Variants in GALNTL6 observed in about 807,000 individuals in gnomAD.
GALNTL6 encodes the protein polypeptide N-acetylgalactosaminyltransferase-like 6.
GALNTL6 carries 46 observed loss-of-function variants against 73.7 expected under a neutral mutation model. The observed-to-expected ratio is 0.62, with a 90% CI of 0.49 to 0.80. The LOEUF (loss-of-function observed/expected upper bound fraction) is 0.80. GALNTL6 is among the 30% of genes least tolerant of loss of function. The pLI, the probability that GALNTL6 is intolerant of heterozygous loss-of-function variation, is 0.00. For synonymous variants in GALNTL6, 259 were observed against 263.7 expected (o/e 0.98, Z 0.17); for missense variants, 604 against 755.0 (o/e 0.80, Z 2.34).
At chr4:172,591,990 G>A (rs964437295) in intron 5 of GALNTL6, among the ~76,000 whole-genome samples, 3 of 152,150 alleles carry the variant, frequency 2.0e-5, no homozygotes, top group Admixed American at 1.3e-4. Context: ...GATTCTCCAA[G>A]TATGGTCTCC....
At chr4:172,058,113 G>GTTGTATTGTTTTGTT (rs1553988696) in intron 2 of GALNTL6, among the ~76,000 whole-genome samples, 1 of 146,266 alleles carries the variant, frequency 6.8e-6, no homozygotes, top group Non-Finnish European at 1.5e-5. Flanking sequence ...GGCTGAAGTG[G>GTTGTATTGTTTTGTT]TTGTTTTGTT....
chr4:172,021,066 T>C (rs778141433), intron 2 of GALNTL6, among the ~76,000 whole-genome samples: 27 of 152,062 alleles, frequency 1.8e-4, no homozygotes, highest in African/African-American at 4.3e-4. Flanking sequence ...ATAATTTCAA[T>C]TGATGCTAAA....
At chr4:171,862,919 T>C (rs1373156991) in intron 2 of GALNTL6, among the ~76,000 whole-genome samples, 1 of 152,144 alleles carries the variant, frequency 6.6e-6, no homozygotes, top group Non-Finnish European at 1.5e-5. Flanking sequence ...AAGTGAATAC[T>C]TCAAAGTGAT....
intron 2 of GALNTL6, among the ~76,000 whole-genome samples, chr4:171,894,595 C>T (rs747307393): frequency 2.0e-5 from 3 of 152,342 alleles, no homozygotes; most frequent in South Asian, 2.1e-4. Context: ...GTCCAGGCCT[C>T]AAGCAATCCT....
intron 4 of GALNTL6, among the ~76,000 whole-genome samples, chr4:172,321,833 T>C (rs2111164954): frequency 6.6e-6 from 1 of 152,220 alleles, no homozygotes; most frequent in South Asian, 2.1e-4. Context: ...GGTCAGGCAG[T>C]TATTAAATCT....
intron 2 of GALNTL6, among the ~76,000 whole-genome samples, chr4:172,093,192 A>G (rs950944699): frequency 6.6e-6 from 1 of 151,934 alleles, no homozygotes; most frequent in Non-Finnish European, 1.5e-5. Flanking sequence ...TTTTAATAAA[A>G]CCTTGTAAAC....
intron 5 of GALNTL6, among the ~76,000 whole-genome samples, chr4:172,450,050 T>G (rs2111419502): frequency 6.6e-6 from 1 of 151,980 alleles, no homozygotes; most frequent in African/African-American, 2.4e-5. Flanking sequence ...AAACCCTGTC[T>G]CTACTGAAAA....
At chr4:172,245,138 C>T (rs2111001495) in intron 3 of GALNTL6, among the ~76,000 whole-genome samples, 1 of 152,204 alleles carries the variant, frequency 6.6e-6, no homozygotes, top group South Asian at 2.1e-4. Flanking sequence ...TTTATGTCTA[C>T]CATTCATTTT....
intron 10 of GALNTL6, among the ~76,000 whole-genome samples, chr4:172,967,881 T>C (rs1036123797): frequency 1.3e-5 from 2 of 152,168 alleles, no homozygotes; most frequent in Non-Finnish European, 2.9e-5. Flanking sequence ...ACTACTGTAG[T>C]TTTGTTTTGA....
At chr4:173,039,513 C>T (rs978286296) in intron 12 of GALNTL6, among the ~76,000 whole-genome samples, 3 of 151,972 alleles carry the variant, frequency 2.0e-5, no homozygotes, top group South Asian at 2.1e-4. Flanking sequence ...TTATTTACTG[C>T]GGACTAAAAT....
At position 172,006,606 on chromosome 4, in the gene GALNTL6, G is replaced by A. The variant is rs4349562; in HGVS notation, c.138+191888G>A. On this transcript the variant is annotated intron_variant, in intron 2 of 12. Transcript: ENST00000506823. ...TATGCTACCAAACACCAGCCTGACA[G>A]AGTGAGACCCTGTCCAAAAAAGGAA... Among the ~76,000 whole-genome samples, 20 of 151,992 alleles carry A rather than the reference G, an allele frequency of 1.3e-4. No homozygotes were observed. In the South Asian group the frequency reaches 2.3e-3, roughly 17 times the overall value.
intron 2 of GALNTL6, among the ~76,000 whole-genome samples, chr4:172,116,992 G>A (rs1233201265): frequency 6.6e-6 from 1 of 152,074 alleles, no homozygotes; most frequent in Non-Finnish European, 1.5e-5. Context: ...AATTAGCATA[G>A]ATGCATGTGT....
intron 4 of GALNTL6, among the ~76,000 whole-genome samples, chr4:172,316,129 T>C (rs1020160332): frequency 1.3e-5 from 2 of 152,200 alleles, no homozygotes; most frequent in Non-Finnish European, 2.9e-5. Context: ...GTAAACATGA[T>C]ATAATTAGTG....
intron 5 of GALNTL6, among the ~76,000 whole-genome samples, chr4:172,592,716 C>CTATCTATT (rs1553963436): frequency 1.5e-4 from 22 of 151,536 alleles, no homozygotes; most frequent in Non-Finnish European, 2.9e-4. Context: ...ATCTATCTAT[C>CTATCTATT]GAGAGAGACT....
chr4:172,393,922 TA>T (rs2111308373), intron 5 of GALNTL6, among the ~76,000 whole-genome samples: 1 of 152,318 alleles, frequency 6.6e-6, no homozygotes, highest in East Asian at 1.9e-4. Flanking sequence ...ATTGTAGGTT[TA>T]AATAAATTGA....
intron 7 of GALNTL6, among the ~76,000 whole-genome samples, chr4:172,855,746 G>T (rs1254725768): frequency 1.3e-5 from 2 of 152,206 alleles, no homozygotes; most frequent in African/African-American, 2.4e-5. Context: ...TCCTCAGCAT[G>T]TAACATTTCG....
intron 2 of GALNTL6, among the ~76,000 whole-genome samples, chr4:172,153,841 A>T (rs1734170642): frequency 6.6e-6 from 1 of 152,220 alleles, no homozygotes; most frequent in Non-Finnish European, 1.5e-5. Context: ...AAACCTAATC[A>T]TCAAACAATG....
chr4:172,249,284 T>A (rs1391034920), intron 3 of GALNTL6, among the ~76,000 whole-genome samples: 2 of 152,184 alleles, frequency 1.3e-5, no homozygotes, highest in Admixed American at 6.5e-5. Context: ...GCCCTAGAGA[T>A]CTATGAAACT....
chr4:172,912,741 C>T (rs768553244), intron 8 of GALNTL6, among the ~76,000 whole-genome samples: 6 of 152,184 alleles, frequency 3.9e-5, no homozygotes, highest in East Asian at 1.9e-4. Context: ...TGGAGCCCAG[C>T]GCAGCTCAGT....
Sources: allele counts gnomAD v4.1 joint callset (sites outside exome capture counted in the v4.1 genomes callset), GRCh38; gene constraint gnomAD v4.1.1; transcripts MANE v1.5; gene names NCBI Gene and HGNC (gene_info 2026-07-23, HGNC 2026-07-21).